The following HNF4G variants were observed in gnomAD, a reference collection of about 807,000 sequenced individuals.
HNF4G encodes the protein hepatocyte nuclear factor 4-gamma.
In HNF4G, 21 loss-of-function variants were observed where a neutral mutation model predicts 50.9. The ratio of observed to expected loss-of-function variants is 0.41; its 90% CI spans 0.29 to 0.59. The LOEUF is 0.59. Ranked by LOEUF, HNF4G falls within the 20% of genes least tolerant of loss-of-function variation. The pLI, the probability that HNF4G is intolerant of heterozygous loss-of-function variation, is 0.26. For synonymous variants in HNF4G, 198 were observed against 185.6 expected (o/e 1.07, Z -0.54); for missense variants, 527 against 559.4 (o/e 0.94, Z 0.58).
chr8:75,482,233 T>G (rs1812396619), intron 1 of HNF4G, among the ~76,000 whole-genome samples: 2 of 152,122 alleles, frequency 1.3e-5, no homozygotes, highest in Non-Finnish European at 2.9e-5. Context: ...GCAGAAAGAT[T>G]AGCTAGTTGC....
chr8:75,547,564 A>G (rs1806822673), intron 2 of HNF4G, 23 bp from the exon 3 acceptor site: 1 of 1,469,320 alleles, frequency 6.8e-7, no homozygotes, highest in Non-Finnish European at 9.5e-7. Flanking sequence ...TTTTCTGCAA[A>G]CTGATATATC....
At chr8:75,529,770 T>G (rs752047796) in intron 2 of HNF4G, among the ~76,000 whole-genome samples, 3 of 152,190 alleles carry the variant, frequency 2.0e-5, no homozygotes, top group Non-Finnish European at 4.4e-5. Flanking sequence ...TATTTAGGCA[T>G]ACTCAGGACT....
At chr8:75,522,104 T>C (rs947976000) in intron 2 of HNF4G, among the ~76,000 whole-genome samples, 2 of 152,242 alleles carry the variant, frequency 1.3e-5, no homozygotes, top group African/African-American at 2.4e-5. Flanking sequence ...TTGGAGGCTA[T>C]AAAGCTTTTT....
At chr8:75,454,378 A>G (rs1416762292) in intron 1 of HNF4G, among the ~76,000 whole-genome samples, 2 of 152,220 alleles carry the variant, frequency 1.3e-5, no homozygotes, top group African/African-American at 4.8e-5. Flanking sequence ...TAAAATGTTT[A>G]GTACATTTCC....
intron 2 of HNF4G, among the ~76,000 whole-genome samples, chr8:75,516,982 T>G (rs1387188321): frequency 6.6e-6 from 1 of 152,080 alleles, no homozygotes; most frequent in African/African-American, 2.4e-5. Context: ...GAATCACAGT[T>G]CCACATGGCC....
intron 1 of HNF4G, among the ~76,000 whole-genome samples, chr8:75,467,376 A>G (rs1016734970): frequency 6.6e-6 from 1 of 152,166 alleles, no homozygotes. Context: ...ATATTCGCAA[A>G]CAGGGCTGAG....
intron 6 of HNF4G, 64 bp from the exon 7 acceptor site, chr8:75,558,454 T>C (rs1441150906): frequency 6.7e-7 from 1 of 1,484,114 alleles, no homozygotes; most frequent in Non-Finnish European, 9.2e-7. Context: ...TTTTAAACAG[T>C]GCTGACAATT....
At chr8:75,487,878 A>G (rs916647732) in intron 1 of HNF4G, among the ~76,000 whole-genome samples, 1 of 152,202 alleles carries the variant, frequency 6.6e-6, no homozygotes, top group East Asian at 1.9e-4. Flanking sequence ...ACTCACAATC[A>G]TGGTGGAAGG....
chr8:75,461,580 C>T (rs1316137220), intron 1 of HNF4G, among the ~76,000 whole-genome samples: 1 of 152,092 alleles, frequency 6.6e-6, no homozygotes, highest in Non-Finnish European at 1.5e-5. Flanking sequence ...CTGTGAGAGG[C>T]CATTATTCTG....
intron 2 of HNF4G, among the ~76,000 whole-genome samples, 157 bp from the exon 3 acceptor site, chr8:75,547,430 G>T (rs1806817346): frequency 6.6e-6 from 1 of 152,224 alleles, no homozygotes. Flanking sequence ...TCACGCACAT[G>T]CTGATTGAGA....
intron 1 of HNF4G, among the ~76,000 whole-genome samples, chr8:75,412,057 T>C (rs1409430866): frequency 6.6e-6 from 1 of 152,174 alleles, no homozygotes; most frequent in Non-Finnish European, 1.5e-5. Flanking sequence ...TTATTGATCT[T>C]CTCTCTAGAG....
chr8:75,448,441 A>T (rs78740933), intron 1 of HNF4G, among the ~76,000 whole-genome samples: 6,943 of 35,928 alleles, frequency 0.19, 234 homozygotes, highest in Non-Finnish European at 0.29. Context: ...AAAAAAAAAA[A>T]AAAGTGTCAG....
At chr8:75,500,730 A>T (rs1812904734) in intron 2 of HNF4G, among the ~76,000 whole-genome samples, 1 of 152,166 alleles carries the variant, frequency 6.6e-6, no homozygotes, top group Non-Finnish European at 1.5e-5. Flanking sequence ...TTAGCCTTGA[A>T]AACATTACAC....
At chr8:75,545,691 G>T (rs1264527130) in intron 2 of HNF4G, among the ~76,000 whole-genome samples, 1 of 151,970 alleles carries the variant, frequency 6.6e-6, no homozygotes, top group Non-Finnish European at 1.5e-5. Flanking sequence ...ACTTTTAATT[G>T]CTGTTTCAAT....
chr8:75,476,261 A>T (rs2130645388), intron 1 of HNF4G, among the ~76,000 whole-genome samples: 1 of 152,346 alleles, frequency 6.6e-6, no homozygotes, highest in South Asian at 2.1e-4. Flanking sequence ...TGCAAAATAC[A>T]TGATTTTATT....
At chr8:75,466,572 CCTTCCTTCCTTCCTTCCTTCCT>C (rs1811979682) in intron 1 of HNF4G, among the ~76,000 whole-genome samples, 1 of 59,086 alleles carries the variant, frequency 1.7e-5, no homozygotes, top group South Asian at 8.2e-4. Flanking sequence ...TTTTCTCGCT[CCTTCCTTCCTTCCTTCCTTCCT>C]TCCTTCCTTC....
In HNF4G at chr8:75,530,690, G is replaced by T. The variant is rs76847940; in HGVS notation, c.-23-13121G>T. 1.0e-2 allele frequency among the ~76,000 whole-genome samples: 1,517 copies of T among 152,098 alleles called. 69 individuals are homozygous for T. The East Asian group carries it at 0.16, about 16-fold the overall frequency. On this transcript the variant is annotated intron_variant, in intron 2 of 10. Coordinates refer to the HNF4G transcript ENST00000354370. ...GAGATCTAAATTAGTGGTCCAGAAG[G>T]TGCACTAGAATATGTATCTGAACAA...
At chr8:75,469,621 G>A (rs1271970661) in intron 1 of HNF4G, among the ~76,000 whole-genome samples, 2 of 152,160 alleles carry the variant, frequency 1.3e-5, no homozygotes, top group African/African-American at 4.8e-5. Flanking sequence ...TGAGACCTGT[G>A]TTTCAAATTG....
intron 1 of HNF4G, among the ~76,000 whole-genome samples, chr8:75,421,539 G>A (rs1326531831): frequency 1.3e-5 from 2 of 152,168 alleles, no homozygotes; most frequent in Non-Finnish European, 2.9e-5. Flanking sequence ...AAGATAAATA[G>A]GGTTGACAGG....
Sources: gnomAD v4.1 joint callset for allele counts (sites outside exome capture counted in the v4.1 genomes callset) on GRCh38, gnomAD v4.1.1 for gene constraint, MANE v1.5 for transcripts, NCBI Gene and HGNC (gene_info 2026-07-23, HGNC 2026-07-21) for gene names.